Variants in GABRQ observed in about 807,000 individuals in gnomAD.
GABRQ encodes gamma-aminobutyric acid type A receptor subunit theta.
Under a neutral mutation model 30.5 loss-of-function variants are expected in GABRQ, and 19 were observed. The ratio of observed to expected loss-of-function variants is 0.62; its 90% confidence interval spans 0.43 to 0.91. GABRQ has a LOEUF of 0.91. GABRQ is among the 40% of genes least tolerant of loss of function. The probability of loss-of-function intolerance (pLI) is 0.00; values close to 1 mark genes in which losing one functional copy is unlikely to be tolerated. For missense variants in GABRQ, 520 were observed against 521.4 expected, an observed-to-expected ratio of 1.00 and a Z score of 0.03; for synonymous variants, 187 against 210.2, an observed-to-expected ratio of 0.89 and a Z score of 0.95.
At chrX:152,640,203 G>A (rs1556818150) in intron 1 of GABRQ, among the ~76,000 whole-genome samples, 175 bp from the exon 2 acceptor site, 1 of 110,218 alleles carries the variant, frequency 9.1e-6, no homozygotes, top group African/African-American at 3.3e-5. Flanking sequence ...CTGCGTCACC[G>A]CTGCGCTTCT....
chrX:152,653,995 G>C lies in GABRQ; in HGVS notation c.*714G>C. On this transcript the variant is annotated 3_prime_UTR_variant, in exon 9 of 9. Coordinates refer to ENST00000598523, the MANE Select transcript of GABRQ (RefSeq NM_018558.4). The stretch of plus-strand genomic sequence containing the variant: ...ATCAGGGTGAGAGAGCACATACTCA[G>C]CTTGTGGGGTTGGCAGAGGGTGGGG... 8.9e-6 allele frequency: 1 copy of C among 112,081 alleles called. No homozygotes were observed. The highest frequency in any genetic ancestry group is 1.9e-5 in the Non-Finnish European group (1 of 53,240). The allele number at this position is 112,081 out of a possible 1,213,427, so 9.2% of individuals were successfully genotyped here. A position where few individuals can be genotyped will look rare whatever the true frequency, so the allele number is the denominator to read the frequency against.
chrX:152,645,710 G>A, intron 3 of GABRQ, 116 bp downstream of exon 3: 1 of 497,570 alleles, frequency 2.0e-6, no homozygotes, highest in Non-Finnish European at 3.5e-6. Flanking sequence ...AAAGGAACAA[G>A]GTAGGTTTGG....
In GABRQ at chrX:152,645,654, C is replaced by T. The variant is rs1237617818; in HGVS notation, c.306+60C>T. On this transcript the variant is annotated intron_variant, in intron 3 of 8. Transcript: ENST00000598523. ...CAGAGGACATGGAACAAGCAGCAGG[C>T]TTATAATCCAAGTCCAGTTGTTCTG... is the stretch of plus-strand genomic sequence containing the variant. 3 of 687,207 alleles carry T rather than the reference C, an allele frequency of 4.4e-6. No individual in the cohort carries two copies. In the East Asian group the frequency reaches 9.8e-5, roughly 22 times the overall value. 56.6% of individuals were successfully genotyped at this position (687,207 alleles called of 1,213,427 possible). A position where few individuals can be genotyped will look rare whatever the true frequency, so the allele number is the denominator to read the frequency against.
At chrX:152,657,730 C>T (rs1458504744), downstream of GABRQ, among the ~76,000 whole-genome samples, 1 of 112,285 alleles carries the variant, frequency 8.9e-6, no homozygotes, top group Non-Finnish European at 1.9e-5. Flanking sequence ...AGCAACAGCA[C>T]AGTTTAAATT....
rs782769528 is a variant in GABRQ, at chrX:152,651,620, C to A, written c.996C>A (p.Ile332=). 8.3e-7 allele frequency: 1 copy of A among 1,209,215 alleles called. No individual in the cohort carries two copies. The highest frequency in any genetic ancestry group is 1.1e-6 in the Non-Finnish European group (1 of 892,844). ...ISCIKAIDIY[I]LVCLFFVFLS... ...GTATCAAGGCCATTGATATCTATATCCTCGTGTGCTTGTTCTTTGTGTTCC... is the reference window on the plus strand; with the variant it reads ...GTATCAAGGCCATTGATATCTATATACTCGTGTGCTTGTTCTTTGTGTTCC... The change falls in exon 8 of 9, where the codon ATC becomes ATA. Residue 332 remains isoleucine, a synonymous_variant. Coordinates refer to ENST00000598523, the MANE Select transcript of GABRQ (RefSeq NM_018558.4).
chrX:152,638,833 G>C lies in GABRQ; in HGVS notation c.149+482G>C, dbSNP rs188750451. ...GAGGCGCGCGCGCGTGCATGCATGT[G>C]TTGAGGGGATGAGGGACTCTTTCCA... On this transcript the variant is annotated intron_variant, in intron 1 of 8. Transcript: ENST00000598523. 2.2e-4 allele frequency among the ~76,000 whole-genome samples: 24 copies of C among 111,357 alleles called. No homozygotes were observed. In the East Asian group the frequency reaches 6.6e-3, roughly 31 times the overall value.
At chrX:152,650,762 G>A (rs1268754616) in intron 7 of GABRQ, among the ~76,000 whole-genome samples, 182 bp downstream of exon 7, 5 of 111,328 alleles carry the variant, frequency 4.5e-5, no homozygotes, top group Admixed American at 2.9e-4. Context: ...TAGAGAGACC[G>A]ATATTAGAGA....
chrX:152,644,333 C>A lies in GABRQ; in HGVS notation c.239-1194C>A, dbSNP rs184860226. On this transcript the variant is annotated intron_variant, in intron 2 of 8. Coordinates refer to ENST00000598523, the MANE Select transcript of GABRQ (RefSeq NM_018558.4). ...GGGCGTGCTCACATACATGAAAGCA[C>A]TCGCATATTCACTCACACACATGAA... Among the ~76,000 whole-genome samples, 359 of 112,558 alleles carry A rather than the reference C, an allele frequency of 3.2e-3. 2 individuals carry two copies. Among genetic ancestry groups the A allele is most frequent in the African/African-American group, 0.011 (337 of 30,975 alleles).
intron 8 of GABRQ, 111 bp from the exon 9 acceptor site, chrX:152,652,430 C>G: frequency 1.5e-6 from 1 of 663,806 alleles, no homozygotes; most frequent in Non-Finnish European, 2.3e-6. Flanking sequence ...TCAAAGAGAT[C>G]AGTAACATTA....
intron 2 of GABRQ, 106 bp from the exon 3 acceptor site, chrX:152,645,421 A>G: frequency 1.9e-6 from 1 of 533,088 alleles, no homozygotes; most frequent in Non-Finnish European, 3.3e-6. Context: ...GGATCACACA[A>G]CTAACAAGTT....
Position 152,654,874 on chromosome X carries a change from G to C in GABRQ, c.*1593G>C, listed in dbSNP as rs1280270806. 1 of 112,480 alleles carries C rather than the reference G, an allele frequency of 8.9e-6. No individual in the cohort carries two copies. The highest frequency in any genetic ancestry group is 1.9e-5 in the Non-Finnish European group (1 of 53,308). 9.3% of individuals were successfully genotyped at this position (112,480 alleles called of 1,213,427 possible). A position where few individuals can be genotyped will look rare whatever the true frequency, so the allele number is the denominator to read the frequency against. On this transcript the variant is annotated 3_prime_UTR_variant, in exon 9 of 9. Coordinates refer to ENST00000598523, the MANE Select transcript of GABRQ (RefSeq NM_018558.4). Reference sequence around the variant, plus strand: ...TGTTTGTGTTTCTGTATATACCTGGGTGTATGCATATGCAGCAGGGTGGGT... The same window carrying C: ...TGTTTGTGTTTCTGTATATACCTGGCTGTATGCATATGCAGCAGGGTGGGT...
intron 7 of GABRQ, 63 bp from the exon 8 acceptor site, chrX:152,651,463 C>T: frequency 3.8e-6 from 4 of 1,052,681 alleles, no homozygotes; most frequent in Non-Finnish European, 5.3e-6. Context: ...GGGTGGGGGC[C>T]TGACAGGTTG....
chrX:152,641,269 C>G (rs901806227), intron 2 of GABRQ, among the ~76,000 whole-genome samples: 4 of 112,413 alleles, frequency 3.6e-5, no homozygotes, highest in Non-Finnish European at 7.5e-5. Context: ...ACGCAGCATT[C>G]TCTAGCCCAG....
rs782106906 is a variant in GABRQ, at chrX:152,652,815, T to A, written c.1433T>A (p.Ile478Asn). 11 of 1,210,176 alleles carry A rather than the reference T, an allele frequency of 9.1e-6. No individual in the cohort carries two copies. The highest frequency in any genetic ancestry group is 1.2e-5 in the Non-Finnish European group (11 of 894,813). The change falls in exon 9 of 9, where the codon ATT (isoleucine) becomes AAT (asparagine). Residue 478 changes from isoleucine (I) to asparagine (N), a missense_variant. Ile to Asn is a moderately radical substitution (Grantham distance 149, BLOSUM62 -3). Coordinates refer to ENST00000598523, the MANE Select transcript of GABRQ (RefSeq NM_018558.4). ...FNGFQADDSI[I>N]PTEIRNRVEA... The stretch of plus-strand genomic sequence containing the variant: ...GGTTTCCAGGCTGATGACAGTATTA[T>A]TCCTACCGAAATCCGCAACCGTGTC...
In GABRQ at chrX:152,642,972, G is replaced by A. The variant is rs142318201; in HGVS notation, c.238+2506G>A. Among the ~76,000 whole-genome samples, 751 of 112,693 alleles carry A rather than the reference G, an allele frequency of 6.7e-3. 6 individuals are homozygous for A. Among genetic ancestry groups the A allele is most frequent in the African/African-American group, 0.022 (694 of 31,042 alleles). Reference sequence around the variant, plus strand: ...TGAGGGGAATGTGAACTGCATTTCAGCTCCCACTTTCCCTTCAACTAGGAG... The same window carrying A: ...TGAGGGGAATGTGAACTGCATTTCAACTCCCACTTTCCCTTCAACTAGGAG... On this transcript the variant is annotated intron_variant, in intron 2 of 8. Coordinates refer to ENST00000598523, the MANE Select transcript of GABRQ (RefSeq NM_018558.4).
Position 152,638,182 on chromosome X carries a change from G to A in GABRQ, c.-21G>A. ...CGCGGCCCCGTCTCCCGCGCCCTCAGGCGCCCAGAACGCCCCGGCCATGGG... is the reference window on the plus strand; with the variant it reads ...CGCGGCCCCGTCTCCCGCGCCCTCAAGCGCCCAGAACGCCCCGGCCATGGG... On this transcript the variant is annotated 5_prime_UTR_variant, in exon 1 of 9. Transcript: ENST00000598523. The A allele has an allele frequency of 8.3e-7, 1 of 1,205,515 alleles. No individual in the cohort carries two copies. The highest frequency in any genetic ancestry group is 1.1e-6 in the Non-Finnish European group (1 of 891,984).
At chrX:152,658,362 G>A (rs782432318), downstream of GABRQ, among the ~76,000 whole-genome samples, 2 of 111,919 alleles carry the variant, frequency 1.8e-5, no homozygotes, top group African/African-American at 3.2e-5. Context: ...ATGCAGTGCC[G>A]TCCATTTTCA....
rs782132375 is a variant in GABRQ at position 152,644,132 on chromosome X, C to T, written c.239-1395C>T. On this transcript the variant is annotated intron_variant, in intron 2 of 8. Transcript: ENST00000598523. ...ACATTAACACACATACCCACAAACA[C>T]GCTCCCACATCTACATACACATATG... 1.2e-4 allele frequency among the ~76,000 whole-genome samples: 13 copies of T among 111,686 alleles called. No homozygotes were observed. In the South Asian group the frequency reaches 4.5e-3, roughly 38 times the overall value.
At chrX:152,643,903 G>A (rs782419576) in intron 2 of GABRQ, among the ~76,000 whole-genome samples, 1,084 of 103,430 alleles carry the variant, frequency 0.01, 11 homozygotes, top group African/African-American at 0.044. Context: ...ACATATGCAC[G>A]CGTTCACTCA....
Sources: gnomAD v4.1 joint callset for allele counts (sites outside exome capture counted in the v4.1 genomes callset) on GRCh38, gnomAD v4.1.1 for gene constraint, MANE v1.5 for transcripts, NCBI Gene and HGNC (gene_info 2026-07-23, HGNC 2026-07-21) for gene names.